The following PNPT1 variants were observed in gnomAD, a reference collection of about 807,000 sequenced individuals.
PNPT1 encodes the protein polyribonucleotide nucleotidyltransferase 1, mitochondrial.
A neutral mutation model predicts 119.5 loss-of-function variants in PNPT1; 53 were observed. The observed-to-expected ratio is 0.44, with a 90% CI of 0.36 to 0.56. The LOEUF is 0.56. Ranked by LOEUF, PNPT1 falls within the 20% of genes least tolerant of loss-of-function variation. The probability of loss-of-function intolerance (pLI) is 0.00; values close to 1 mark genes in which losing one functional copy is unlikely to be tolerated. For synonymous variants in PNPT1, 357 were observed against 322.1 expected (o/e 1.11, Z -1.16); for missense variants, 948 against 938.5 (o/e 1.01, Z -0.13).
intron 1 of PNPT1, 40 bp downstream of exon 1, chr2:55,693,623 A>G (rs1236759239): frequency 6.2e-7 from 1 of 1,604,308 alleles, no homozygotes; most frequent in East Asian, 2.2e-5. Context: ...GCTGGACAAG[A>G]CACCTTATGA....
intron 1 of PNPT1, among the ~76,000 whole-genome samples, chr2:55,692,130 C>T (rs1223256680): frequency 6.6e-6 from 1 of 151,734 alleles, no homozygotes; most frequent in African/African-American, 2.4e-5. Context: ...GGAGATCCAC[C>T]CACCTCAGCC....
At chr2:55,652,332 A>G (rs1405821829) in intron 18 of PNPT1, among the ~76,000 whole-genome samples, 2 of 152,176 alleles carry the variant, frequency 1.3e-5, no homozygotes, top group East Asian at 3.8e-4. Flanking sequence ...GGCCCATCCC[A>G]CAGGACTTGA....
At chr2:55,654,133 T>G (rs1049370160) in intron 18 of PNPT1, among the ~76,000 whole-genome samples, 5 of 151,992 alleles carry the variant, frequency 3.3e-5, no homozygotes, top group African/African-American at 1.2e-4. Context: ...AGCACGCACC[T>G]GTAATTCCAG....
At chr2:55,679,084 C>G (rs113896506) in intron 8 of PNPT1, among the ~76,000 whole-genome samples, 5 of 152,300 alleles carry the variant, frequency 3.3e-5, no homozygotes, top group African/African-American at 1.2e-4. Context: ...GTCATTCTGA[C>G]TGCTAAAGCC....
intron 1 of PNPT1, among the ~76,000 whole-genome samples, chr2:55,691,863 TATATATATATATA>T (rs1333266755): frequency 1.2e-3 from 40 of 34,280 alleles, no homozygotes; most frequent in Admixed American, 4.7e-3. Flanking sequence ...TATATATATA[TATATATATATATA>T]TATTTTTTTT....
intron 7 of PNPT1, 73 bp from the exon 8 acceptor site, chr2:55,679,868 C>T: frequency 1.0e-6 from 1 of 990,914 alleles, no homozygotes; most frequent in East Asian, 2.6e-5. Flanking sequence ...CCAGTCATGG[C>T]TTCAACCCCA....
intron 12 of PNPT1, among the ~76,000 whole-genome samples, chr2:55,667,399 C>A (rs565700170): frequency 1.3e-5 from 2 of 152,190 alleles, no homozygotes; most frequent in Admixed American, 6.5e-5. Context: ...TCGAGACCAT[C>A]CTGGCTAACA....
Position 55,680,848 on chromosome 2 carries a change from T to C in PNPT1, c.517+7A>G. On this transcript the variant is annotated splice_region_variant and intron_variant, in intron 6 of 27. Coordinates refer to ENST00000447944, the MANE Select transcript of PNPT1 (RefSeq NM_033109.5). Reference sequence around the variant, plus strand: ...CTGATAATTTTAATCTCTACTTTTATACTTACCGCCATTAATTGCTAGGAC... The same window carrying C: ...CTGATAATTTTAATCTCTACTTTTACACTTACCGCCATTAATTGCTAGGAC... 2 of 1,613,640 alleles carry C rather than the reference T, an allele frequency of 1.2e-6. No homozygotes were observed. Among genetic ancestry groups the C allele is most frequent in the Non-Finnish European group, 1.7e-6 (2 of 1,179,562 alleles).
At chr2:55,691,738 C>A (rs914439951) in intron 1 of PNPT1, among the ~76,000 whole-genome samples, 1 of 151,530 alleles carries the variant, frequency 6.6e-6, no homozygotes, top group Non-Finnish European at 1.5e-5. Flanking sequence ...CCTCAAAAAT[C>A]AGAATTAATG....
intron 1 of PNPT1, among the ~76,000 whole-genome samples, chr2:55,693,303 G>A (rs1697681175): frequency 6.6e-6 from 1 of 152,132 alleles, no homozygotes; most frequent in Non-Finnish European, 1.5e-5. Context: ...CAGGGTCCGG[G>A]CCAGCATCCC....
At chr2:55,651,110 CG>C (rs1398708466) in intron 18 of PNPT1, among the ~76,000 whole-genome samples, 1 of 140,728 alleles carries the variant, frequency 7.1e-6, no homozygotes, top group African/African-American at 2.6e-5. Flanking sequence ...CCGCCCCGTC[CG>C]GGAGGTGAGG....
chr2:55,668,543 G>C (rs1559102383), intron 11 of PNPT1, among the ~76,000 whole-genome samples: 1 of 151,950 alleles, frequency 6.6e-6, no homozygotes, highest in Non-Finnish European at 1.5e-5. Flanking sequence ...CGGCCCATCA[G>C]TTCCCTTTTC....
chr2:55,675,212 A>C (rs1484257115), intron 8 of PNPT1, among the ~76,000 whole-genome samples: 1 of 152,024 alleles, frequency 6.6e-6, no homozygotes, highest in Non-Finnish European at 1.5e-5. Flanking sequence ...AGGCTAGGCT[A>C]CAGTGAGCCA....
chr2:55,693,605 T>C, intron 1 of PNPT1, 58 bp downstream of exon 1: 1 of 1,595,566 alleles, frequency 6.3e-7, no homozygotes, highest in South Asian at 1.1e-5. Context: ...ATGAATACGC[T>C]CAAGCTGGCT....
Position 55,671,984 on chromosome 2 carries a change from G to C in PNPT1, c.918+11C>G. Reference sequence around the variant, plus strand: ...GGGCAATTATGGAAGACAAAACTCAGGTATACCTACTTTGTCATGCTCGTA... The same window carrying C: ...GGGCAATTATGGAAGACAAAACTCACGTATACCTACTTTGTCATGCTCGTA... On this transcript the variant is annotated intron_variant, in intron 10 of 27. Transcript: ENST00000447944. 3.8e-6 allele frequency: 6 copies of C among 1,585,240 alleles called. No individual in the cohort carries two copies. In the South Asian group the frequency reaches 4.6e-5, roughly 12 times the overall value.
chr2:55,671,437 TC>T (rs1483526532), intron 10 of PNPT1, 61 bp from the exon 11 acceptor site: 1 of 1,039,398 alleles, frequency 9.6e-7, no homozygotes, highest in African/African-American at 1.7e-5. Context: ...ATTTCTGTTT[TC>T]TAATTATTAT....
Position 55,646,436 on chromosome 2 carries a change from A to C in PNPT1, c.1653T>G (p.Asn551Lys). The C allele has an allele frequency of 1.2e-6, 2 of 1,612,914 alleles. No homozygotes were observed. The highest frequency in any genetic ancestry group is 1.7e-6 in the Non-Finnish European group (2 of 1,179,596). Residue 551 changes from asparagine (N) to lysine (K), a missense_variant, in exon 20 of 28, where the codon AAT (asparagine) becomes AAG (lysine). Coordinates refer to ENST00000447944, the MANE Select transcript of PNPT1 (RefSeq NM_033109.5). The stretch of plus-strand genomic sequence containing the variant: ...ATACCTGTAATGCAGTTATTCCTTT[A>C]TTAGTGCCAGCTATTTTGAAGTCCA... ...GDMDFKIAGT[N>K]KGITALQADI...
At chr2:55,667,437 AC>A (rs1696768046) in intron 12 of PNPT1, among the ~76,000 whole-genome samples, 1 of 152,126 alleles carries the variant, frequency 6.6e-6, no homozygotes, top group Non-Finnish European at 1.5e-5. Flanking sequence ...TACTAAAAAT[AC>A]AAAAAATTAG....
intron 1 of PNPT1, among the ~76,000 whole-genome samples, chr2:55,691,373 A>G (rs1697594538): frequency 6.6e-6 from 1 of 152,248 alleles, no homozygotes; most frequent in South Asian, 2.1e-4. Context: ...GCAGTAAAGA[A>G]TATATATGAT....
Sources: allele counts gnomAD v4.1 joint callset (sites outside exome capture counted in the v4.1 genomes callset), GRCh38; gene constraint gnomAD v4.1.1; transcripts MANE v1.5; gene names NCBI Gene and HGNC (gene_info 2026-07-23, HGNC 2026-07-21).